PCBP3: variants seen among roughly 807,000 people sequenced by gnomAD.
PCBP3 encodes poly(rC) binding protein 3, also known as poly(rC)-binding protein 3.
Under a neutral mutation model 52.7 loss-of-function variants are expected in PCBP3, and 25 were observed. That is an observed-to-expected ratio of 0.47 (90% CI 0.35 to 0.66). The LOEUF (loss-of-function observed/expected upper bound fraction) is 0.66, where lower values mean the gene tolerates loss of function less well. Among genes scored for constraint, PCBP3 ranks in the 30% least tolerant of loss-of-function variants. The probability of loss-of-function intolerance (pLI) is 0.01; values close to 1 mark genes in which losing one functional copy is unlikely to be tolerated. For synonymous variants in PCBP3, 162 were observed against 183.0 expected (o/e 0.89, Z 0.93); for missense variants, 391 against 490.3 (o/e 0.80, Z 1.91).
At chr21:45,887,882 G>A (rs2095558400) in intron 5 of PCBP3, among the ~76,000 whole-genome samples, 1 of 152,252 alleles carries the variant, frequency 6.6e-6, no homozygotes, top group Non-Finnish European at 1.5e-5. Flanking sequence ...ATCAATAGAT[G>A]TCTAGTACCA....
intron 4 of PCBP3, among the ~76,000 whole-genome samples, chr21:45,849,169 C>G (rs2093895038): frequency 6.6e-6 from 1 of 151,176 alleles, no homozygotes; most frequent in Non-Finnish European, 1.5e-5. Flanking sequence ...TCCTTCCTTC[C>G]CTTTTTCTCC....
chr21:45,803,216 G>C (rs1365096680), intron 4 of PCBP3, among the ~76,000 whole-genome samples: 5 of 152,182 alleles, frequency 3.3e-5, no homozygotes, highest in Admixed American at 6.5e-5. Context: ...CCACCTTTCT[G>C]CTGGGGGTAG....
chr21:45,808,689 G>GTA (rs1385117930), intron 4 of PCBP3, among the ~76,000 whole-genome samples: 1 of 152,162 alleles, frequency 6.6e-6, no homozygotes, highest in Non-Finnish European at 1.5e-5. Flanking sequence ...CCATTACTGA[G>GTA]TATATACCCA....
chr21:45,665,579 G>T (rs527493730), intron 1 of PCBP3, among the ~76,000 whole-genome samples: 1 of 152,218 alleles, frequency 6.6e-6, no homozygotes, highest in South Asian at 2.1e-4. Flanking sequence ...GAAATTAGTA[G>T]AAATCCTGAA....
rs150877344 is a variant in PCBP3 at position 45,720,875 on chromosome 21, A to T, written c.-199-14517A>T. 3.0e-3 allele frequency among the ~76,000 whole-genome samples: 458 copies of T among 152,342 alleles called. 3 individuals are homozygous for T. Among genetic ancestry groups the T allele is most frequent in the African/African-American group, 0.01 (433 of 41,568 alleles). ...TAAGATGATTTGGACCTTGACTTCAACGTGAGCTCCTGCTTCAAACTTAAA... is the reference window on the plus strand; with the variant it reads ...TAAGATGATTTGGACCTTGACTTCATCGTGAGCTCCTGCTTCAAACTTAAA... On this transcript the variant is annotated intron_variant, in intron 2 of 17. Coordinates refer to ENST00000681687, the MANE Select transcript of PCBP3 (RefSeq NM_001384156.1).
chr21:45,899,751 C>A, intron 7 of PCBP3, 129 bp downstream of exon 7: 1 of 691,776 alleles, frequency 1.4e-6, no homozygotes. Flanking sequence ...GTCTGTGTTC[C>A]ATGAAGACAG....
At position 45,791,304 on chromosome 21, in the gene PCBP3, G is replaced by A. The variant is rs759051376; in HGVS notation, c.-126+35852G>A. Among the ~76,000 whole-genome samples the A allele has an allele frequency of 2.6e-5, 4 of 152,226 alleles. No individual in the cohort carries two copies. Among genetic ancestry groups the A allele is most frequent in the Admixed American group, 1.3e-4 (2 of 15,282 alleles). On this transcript the variant is annotated intron_variant, in intron 4 of 17. Coordinates refer to ENST00000681687, the MANE Select transcript of PCBP3 (RefSeq NM_001384156.1). The surrounding 1 kb of genome is among the most constrained non-coding windows in gnomAD (Gnocchi z 4.2). ...TTTGTGCGGTAGAATTTGGAAGGCT[G>A]GGAGCATGGCCAGCCCAGGGAGTGA...
intron 4 of PCBP3, among the ~76,000 whole-genome samples, chr21:45,797,553 A>AG (rs2092001441): frequency 2.4e-5 from 3 of 123,186 alleles, no homozygotes; most frequent in Admixed American, 8.8e-5. Context: ...GGATGGACAG[A>AG]TGCATGGATC....
rs2093620714 is a variant in PCBP3 at position 45,837,713 on chromosome 21, G to C, written c.-125-12248G>C. Among the ~76,000 whole-genome samples the C allele has an allele frequency of 6.6e-6, 1 of 152,186 alleles. No homozygotes were observed. Among genetic ancestry groups the C allele is most frequent in the East Asian group, 1.9e-4 (1 of 5,190 alleles). On this transcript the variant is annotated intron_variant, in intron 4 of 17. Coordinates refer to ENST00000681687, the MANE Select transcript of PCBP3 (RefSeq NM_001384156.1). This position sits in a 1 kb window ranked among gnomAD's most constrained non-coding sequence, Gnocchi z 4.1. ...CTCAGATTTATTTTTCCTGTGAGGC[G>C]AGCGAGCTTCCTAGGTGGCACTGCA... is the stretch of plus-strand genomic sequence containing the variant.
At chr21:45,912,563 G>A (rs749328067) in intron 11 of PCBP3, among the ~76,000 whole-genome samples, 2 of 152,120 alleles carry the variant, frequency 1.3e-5, no homozygotes, top group Non-Finnish European at 2.9e-5. Context: ...TACAGACATC[G>A]CCACAGATGG....
chr21:45,674,160 T>G (rs531617051), intron 2 of PCBP3, among the ~76,000 whole-genome samples: 1 of 152,316 alleles, frequency 6.6e-6, no homozygotes, highest in African/African-American at 2.4e-5. Flanking sequence ...TTATTTTAAA[T>G]GTAAATCCAC....
chr21:45,809,208 G>A lies in PCBP3; in HGVS notation c.-125-40753G>A, dbSNP rs909917539. ...TATAAAAAAAGTGATTTCTAAGAGC[G>A]CTTTTCATTTGTGACTTTCTGCCTG... On this transcript the variant is annotated intron_variant, in intron 4 of 17. Coordinates refer to ENST00000681687, the MANE Select transcript of PCBP3 (RefSeq NM_001384156.1). Among the ~76,000 whole-genome samples the A allele has an allele frequency of 9.2e-5, 14 of 152,182 alleles. No homozygotes were observed. In the South Asian group the frequency reaches 2.5e-3, roughly 27 times the overall value.
intron 4 of PCBP3, among the ~76,000 whole-genome samples, chr21:45,757,019 A>G (rs1402619558): frequency 1.3e-5 from 2 of 152,222 alleles, no homozygotes; most frequent in Admixed American, 6.5e-5. Context: ...ATGGACATAT[A>G]TTTTAACTTA....
chr21:45,912,555 C>T (rs1454238717), intron 11 of PCBP3, among the ~76,000 whole-genome samples: 1 of 152,160 alleles, frequency 6.6e-6, no homozygotes, highest in African/African-American at 2.4e-5. Flanking sequence ...GCTGAGAATA[C>T]AGACATCGCC....
Position 45,791,586 on chromosome 21 carries a change from C to A in PCBP3, c.-126+36134C>A, listed in dbSNP as rs1400705923. Among the ~76,000 whole-genome samples the A allele has an allele frequency of 6.6e-6, 1 of 152,208 alleles. No individual in the cohort carries two copies. Among genetic ancestry groups the A allele is most frequent in the Non-Finnish European group, 1.5e-5 (1 of 68,040 alleles). ...AGAAGCTCGCGAGGGAGGTGTGCAA[C>A]AGCCGGAAGGCAGGTGGCCGCCAAC... On this transcript the variant is annotated intron_variant, in intron 4 of 17. Coordinates refer to ENST00000681687, the MANE Select transcript of PCBP3 (RefSeq NM_001384156.1). This position sits in a 1 kb window ranked among gnomAD's most constrained non-coding sequence, Gnocchi z 4.2.
chr21:45,856,018 A>G (rs1396435020), intron 5 of PCBP3, among the ~76,000 whole-genome samples: 2 of 152,236 alleles, frequency 1.3e-5, no homozygotes, highest in Admixed American at 6.5e-5. Context: ...ATAAAGTAGG[A>G]AACAGAAATA....
intron 2 of PCBP3, among the ~76,000 whole-genome samples, chr21:45,689,931 A>G (rs981817373): frequency 2.5e-4 from 38 of 152,272 alleles, no homozygotes; most frequent in South Asian, 4.1e-4. Flanking sequence ...TAAAATGTCA[A>G]TTTGAATTGA....
chr21:45,909,837 C>T (rs2096307996), intron 10 of PCBP3, among the ~76,000 whole-genome samples: 1 of 100,966 alleles, frequency 9.9e-6, no homozygotes, highest in African/African-American at 3.9e-5. Context: ...CCACCCACTG[C>T]CCAGATACGG....
At chr21:45,644,462 G>A (rs2079125647) in intron 1 of PCBP3, among the ~76,000 whole-genome samples, 1 of 152,016 alleles carries the variant, frequency 6.6e-6, no homozygotes, top group South Asian at 2.1e-4. Flanking sequence ...GTTTCTTATT[G>A]TCCCCACACG....
Sources: gnomAD v4.1 joint callset for allele counts (sites outside exome capture counted in the v4.1 genomes callset) on GRCh38, gnomAD v4.1.1 for gene constraint, Gnocchi (gnomAD v3.1) non-coding constraint, MANE v1.5 for transcripts, NCBI Gene and HGNC (gene_info 2026-07-23, HGNC 2026-07-21) for gene names.